Variants in ZFAND3 observed in about 807,000 individuals in gnomAD.
ZFAND3 encodes AN1-type zinc finger protein 3.
A neutral mutation model predicts 29.6 loss-of-function variants in ZFAND3; 10 were observed. The observed-to-expected ratio is 0.34, with a 90% CI of 0.21 to 0.57. The LOEUF is 0.57. Among genes scored for constraint, ZFAND3 ranks in the 20% least tolerant of loss-of-function variants. The pLI, the probability that ZFAND3 is intolerant of heterozygous loss-of-function variation, is 0.86. For synonymous variants in ZFAND3, 128 were observed against 112.6 expected (o/e 1.14, Z -0.87); for missense variants, 230 against 304.5 (o/e 0.76, Z 1.82).
chr6:38,047,785 T>C (rs1763932926), intron 2 of ZFAND3, among the ~76,000 whole-genome samples: 1 of 152,186 alleles, frequency 6.6e-6, no homozygotes, highest in Non-Finnish European at 1.5e-5. Flanking sequence ...GGAATGAAGA[T>C]ACGTGGAGCA....
At chr6:37,967,315 GA>G (rs1159436968) in intron 2 of ZFAND3, among the ~76,000 whole-genome samples, 18 of 152,292 alleles carry the variant, frequency 1.2e-4, no homozygotes, top group Admixed American at 1.1e-3. Flanking sequence ...TGGCCTGTAA[GA>G]GCCTCTTCAG....
intron 1 of ZFAND3, among the ~76,000 whole-genome samples, chr6:37,857,348 G>A (rs988200785): frequency 3.3e-5 from 5 of 152,222 alleles, no homozygotes; most frequent in African/African-American, 1.2e-4. Context: ...ACCTTGTATT[G>A]GGGAGACAAA....
chr6:37,896,825 T>C (rs1362241848), intron 1 of ZFAND3, among the ~76,000 whole-genome samples: 2 of 152,004 alleles, frequency 1.3e-5, no homozygotes, highest in Admixed American at 1.3e-4. Flanking sequence ...CTTAACTCTT[T>C]GTAGAAATTG....
At chr6:37,985,204 T>G (rs758116732) in intron 2 of ZFAND3, among the ~76,000 whole-genome samples, 1 of 152,184 alleles carries the variant, frequency 6.6e-6, no homozygotes, top group Non-Finnish European at 1.5e-5. Flanking sequence ...GTGCCTGTAG[T>G]CACGGCTTCT....
chr6:37,907,074 A>T (rs895195583), intron 1 of ZFAND3, among the ~76,000 whole-genome samples: 2 of 152,050 alleles, frequency 1.3e-5, no homozygotes, highest in African/African-American at 4.8e-5. Context: ...TAGAAATGAA[A>T]TTGTTTTAAT....
chr6:38,124,215 C>G (rs952588954), intron 5 of ZFAND3, among the ~76,000 whole-genome samples: 1 of 152,246 alleles, frequency 6.6e-6, no homozygotes, highest in African/African-American at 2.4e-5. Context: ...CTTAGCTAGA[C>G]ATAAAGGTTC....
intron 5 of ZFAND3, among the ~76,000 whole-genome samples, chr6:38,126,296 C>T (rs1279842639): frequency 6.6e-6 from 1 of 152,052 alleles, no homozygotes; most frequent in African/African-American, 2.4e-5. Flanking sequence ...TGTGTTTATC[C>T]ATTTGCCAGT....
intron 1 of ZFAND3, among the ~76,000 whole-genome samples, chr6:37,890,527 C>T (rs1765076417): frequency 6.6e-6 from 1 of 152,168 alleles, no homozygotes; most frequent in Non-Finnish European, 1.5e-5. Flanking sequence ...CTGTATTGTT[C>T]TACCTCATTG....
At chr6:38,109,814 C>A (rs929948201) in intron 4 of ZFAND3, among the ~76,000 whole-genome samples, 34 of 152,060 alleles carry the variant, frequency 2.2e-4, no homozygotes, top group Non-Finnish European at 2.9e-4. Context: ...AAAATGTCTC[C>A]GCAGAAGCAG....
At chr6:38,002,319 A>G (rs1282149385) in intron 2 of ZFAND3, among the ~76,000 whole-genome samples, 2 of 149,704 alleles carry the variant, frequency 1.3e-5, no homozygotes, top group African/African-American at 2.5e-5. Flanking sequence ...ACAGTTTAAC[A>G]TCAAATGTTT....
At chr6:38,103,558 C>T (rs970397803) in intron 4 of ZFAND3, among the ~76,000 whole-genome samples, 3 of 133,406 alleles carry the variant, frequency 2.2e-5, no homozygotes, top group Non-Finnish European at 5.0e-5. Context: ...TACATACACA[C>T]TTCACGGACT....
At chr6:37,946,697 T>G (rs1397543259) in intron 2 of ZFAND3, among the ~76,000 whole-genome samples, 2 of 152,212 alleles carry the variant, frequency 1.3e-5, no homozygotes, top group Admixed American at 6.6e-5. Flanking sequence ...TTATGCTGTT[T>G]TGGAAACTGG....
chr6:37,936,538 T>C (rs773231745), intron 2 of ZFAND3, among the ~76,000 whole-genome samples: 10 of 152,208 alleles, frequency 6.6e-5, no homozygotes, highest in Non-Finnish European at 1.2e-4. Context: ...ACCGTAGACA[T>C]GGTATATTTA....
rs535644423 is a variant in ZFAND3 at position 38,124,484 on chromosome 6, G to A, written c.529+7745G>A. Reference sequence around the variant, plus strand: ...TGCAGGTCCTGAGCCCTGCCCTGCCGGGAGGCAGCTAAAGCCCGGTGAGAA... The same window carrying A: ...TGCAGGTCCTGAGCCCTGCCCTGCCAGGAGGCAGCTAAAGCCCGGTGAGAA... On this transcript the variant is annotated intron_variant, in intron 5 of 5. Coordinates refer to ENST00000287218, the MANE Select transcript of ZFAND3 (RefSeq NM_021943.3). 2.4e-4 allele frequency among the ~76,000 whole-genome samples: 36 copies of A among 152,310 alleles called. No individual in the cohort carries two copies. The South Asian group carries it at 5.6e-3, about 24-fold the overall frequency.
chr6:38,013,530 A>G (rs965997733), intron 2 of ZFAND3, among the ~76,000 whole-genome samples: 5 of 152,206 alleles, frequency 3.3e-5, no homozygotes, highest in African/African-American at 1.2e-4. Context: ...TAGAAAGCAC[A>G]CAGTATTTGC....
chr6:37,866,031 T>C (rs1186995601), intron 1 of ZFAND3, among the ~76,000 whole-genome samples: 1 of 152,130 alleles, frequency 6.6e-6, no homozygotes, highest in African/African-American at 2.4e-5. Context: ...CTCACTATAT[T>C]GTCCCGGCTG....
At chr6:38,065,686 C>T (rs1764332868) in intron 3 of ZFAND3, among the ~76,000 whole-genome samples, 1 of 152,174 alleles carries the variant, frequency 6.6e-6, no homozygotes, top group African/African-American at 2.4e-5. Flanking sequence ...GGCAGTGAAG[C>T]CCATGCTCTT....
intron 5 of ZFAND3, among the ~76,000 whole-genome samples, chr6:38,130,457 A>G (rs747289902): frequency 2.6e-5 from 4 of 152,152 alleles, no homozygotes; most frequent in Admixed American, 6.5e-5. Flanking sequence ...CTTGTCATAG[A>G]TGGCTTTTAT....
At chr6:37,829,565 TG>T (rs1303097182) in intron 1 of ZFAND3, among the ~76,000 whole-genome samples, 1 of 152,106 alleles carries the variant, frequency 6.6e-6, no homozygotes, top group Non-Finnish European at 1.5e-5. Context: ...ATAAAATAAA[TG>T]GAGAAGTGTT....
Sources: allele counts gnomAD v4.1 joint callset (sites outside exome capture counted in the v4.1 genomes callset), GRCh38; gene constraint gnomAD v4.1.1; transcripts MANE v1.5; gene names NCBI Gene and HGNC (gene_info 2026-07-23, HGNC 2026-07-21).